ATR: variants seen among roughly 807,000 people sequenced by gnomAD.
ATR encodes serine/threonine-protein kinase ATR.
Under a neutral mutation model 305.3 loss-of-function variants are expected in ATR, and 142 were observed. The observed-to-expected ratio is 0.47, with a 90% CI of 0.41 to 0.53. The LOEUF (loss-of-function observed/expected upper bound fraction) is 0.53, where lower values mean the gene tolerates loss of function less well. Ranked by LOEUF, ATR falls within the 20% of genes least tolerant of loss-of-function variation. ATR has a pLI of 0.00. For synonymous variants in ATR, 1,050 were observed against 1,068.1 expected, an observed-to-expected ratio of 0.98 and a Z score of 0.33; for missense variants, 2,135 against 3,133.1, an observed-to-expected ratio of 0.68 and a Z score of 7.60.
chr3:142,577,861 C>G (rs1457494280), intron 1 of ATR, among the ~76,000 whole-genome samples: 1 of 152,224 alleles, frequency 6.6e-6, no homozygotes, highest in Non-Finnish European at 1.5e-5. Context: ...GGAAGCCTGC[C>G]TGTGTATTGA....
At chr3:142,534,972 A>T in intron 21 of ATR, 108 bp downstream of exon 21, 1 of 1,263,254 alleles carries the variant, frequency 7.9e-7, no homozygotes, top group Non-Finnish European at 1.1e-6. Flanking sequence ...GTAAAATAAA[A>T]ATTTCTTCTT....
chr3:142,487,040 G>T (rs1308290268), intron 35 of ATR, among the ~76,000 whole-genome samples: 2 of 151,822 alleles, frequency 1.3e-5, no homozygotes, highest in African/African-American at 4.8e-5. Flanking sequence ...GCGGAGGCAG[G>T]AGACTGGCCT....
rs186511373 is a variant in ATR at position 142,575,456 on chromosome 3, G to A, written c.59+3190C>T. ...CAGAGATCACGCCACTGGAGAGGGCGAGACTCCGTCTCAAAAAAAAAAAAA... is the reference window on the plus strand; with the variant it reads ...CAGAGATCACGCCACTGGAGAGGGCAAGACTCCGTCTCAAAAAAAAAAAAA... On this transcript the variant is annotated intron_variant, in intron 1 of 46. Coordinates refer to ENST00000350721, the MANE Select transcript of ATR (RefSeq NM_001184.4). Among the ~76,000 whole-genome samples, 189 of 137,350 alleles carry A rather than the reference G, an allele frequency of 1.4e-3. 1 individual carries two copies. The highest frequency in any genetic ancestry group is 2.4e-3 in the Non-Finnish European group (153 of 64,092). 90.1% of individuals were successfully genotyped at this position (137,350 alleles called of 152,430 possible).
At chr3:142,497,956 T>C (rs962329356) in intron 32 of ATR, among the ~76,000 whole-genome samples, 2 of 152,190 alleles carry the variant, frequency 1.3e-5, no homozygotes, top group Non-Finnish European at 2.9e-5. Flanking sequence ...TACAAGGATA[T>C]AGCTGAGTAG....
At position 142,562,478 on chromosome 3, in the gene ATR, T is replaced by C. The variant is rs2034917714; in HGVS notation, c.924A>G (p.Glu308=). 1 of 1,614,056 alleles carries C rather than the reference T, an allele frequency of 6.2e-7. No homozygotes were observed. Among genetic ancestry groups the C allele is most frequent in the African/African-American group, 1.3e-5 (1 of 74,932 alleles). The stretch of plus-strand genomic sequence containing the variant: ...AGACAGGTTCAATATTTCTATAAGC[T>C]TCTGCTTCAAAGGGAAATAGTGTCT... ...LIKTLFPFEA[E]AYRNIEPVYL... The change falls in exon 4 of 47, where the codon GAA becomes GAG. Residue 308 remains glutamate, a synonymous_variant. Coordinates refer to ENST00000350721, the MANE Select transcript of ATR (RefSeq NM_001184.4).
chr3:142,569,560 G>A (rs762859881), intron 1 of ATR, among the ~76,000 whole-genome samples: 6 of 152,062 alleles, frequency 3.9e-5, no homozygotes, highest in Middle Eastern at 3.4e-3. Context: ...GGGCTCAAGC[G>A]ATCTGCCTGC....
At chr3:142,486,085 T>A (rs1361303063) in intron 35 of ATR, among the ~76,000 whole-genome samples, 2 of 152,242 alleles carry the variant, frequency 1.3e-5, no homozygotes. Flanking sequence ...CATTTCTTTT[T>A]GCTGTTCCTG....
rs1465514861 is a variant in ATR at position 142,538,587 on chromosome 3, C to T, written c.3620G>A (p.Cys1207Tyr). The change falls in exon 19 of 47, where the codon TGT becomes TAT. Residue 1207 changes from cysteine (C) to tyrosine (Y), a missense_variant. Cys to Tyr is a radical substitution (Grantham distance 194, BLOSUM62 -2). Around this residue, in one of 9 missense-constraint regions of ATR, gnomAD observed 530 missense variants for 766.8 expected, o/e 0.69. Transcript: ENST00000350721. ...TACATGACTGAGAAGGGAGCCCAGA[C>T]AAGCATGATCCAGGCAGCGAACAAA... ...DCFVRCLDHACLGSLLSHVIV... is the reference protein window; with the variant it reads ...DCFVRCLDHAYLGSLLSHVIV... 2 of 1,613,510 alleles carry T rather than the reference C, an allele frequency of 1.2e-6. No individual in the cohort carries two copies. Among genetic ancestry groups the T allele is most frequent in the East Asian group, 2.2e-5 (1 of 44,836 alleles).
At chr3:142,578,575 G>A (rs2035516371) in intron 1 of ATR, 71 bp downstream of exon 1, 2 of 1,514,030 alleles carry the variant, frequency 1.3e-6, no homozygotes, top group Admixed American at 1.9e-5. Flanking sequence ...AGCAGGGGAG[G>A]GGAGAGCACG....
At chr3:142,476,000 C>T (rs564538577) in intron 36 of ATR, among the ~76,000 whole-genome samples, 68 of 152,116 alleles carry the variant, frequency 4.5e-4, no homozygotes, top group African/African-American at 1.2e-3. Context: ...ATTAGCCCTT[C>T]GTCAGATGAG....
At chr3:142,503,323 G>C (rs1398157171) in intron 30 of ATR, 39 bp downstream of exon 30, 1 of 1,409,420 alleles carries the variant, frequency 7.1e-7, no homozygotes, top group South Asian at 1.2e-5. Flanking sequence ...TCTCCATTCA[G>C]ATGCAATAAC....
intron 42 of ATR, among the ~76,000 whole-genome samples, chr3:142,460,723 A>C (rs1467533991): frequency 6.6e-6 from 1 of 152,178 alleles, no homozygotes; most frequent in East Asian, 1.9e-4. Flanking sequence ...CTTATTTTCT[A>C]CTTCACTTTG....
At chr3:142,481,569 C>T (rs2030487679) in intron 36 of ATR, among the ~76,000 whole-genome samples, 2 of 152,172 alleles carry the variant, frequency 1.3e-5, no homozygotes, top group Non-Finnish European at 2.9e-5. Flanking sequence ...TCCATGACTT[C>T]TGGACTTGTT....
Position 142,451,508 on chromosome 3 carries a change from TAGAAAC to T in ATR, c.7761+1614_7761+1619del. On this transcript the variant is annotated intron_variant, in intron 46 of 46. Transcript: ENST00000350721. ...TACAAAAGAACACAGACTGGACCCA[TAGAAAC>T]AGAAAGAGAACACCAACACCTATAT... 4 of 1,434,656 alleles carry T rather than the reference TAGAAAC, an allele frequency of 2.8e-6. No individual in the cohort carries two copies. The South Asian group carries it at 4.8e-5, about 17-fold the overall frequency. The allele number at this position is 1,434,656 out of a possible 1,614,324, so 88.9% of individuals were successfully genotyped here.
chr3:142,457,566 G>C (rs2070933787), intron 45 of ATR, 38 bp downstream of exon 45: 2 of 1,611,114 alleles, frequency 1.2e-6, no homozygotes, highest in Non-Finnish European at 1.7e-6. Context: ...TTATATTCGA[G>C]GTTACTGTTA....
intron 36 of ATR, among the ~76,000 whole-genome samples, chr3:142,483,405 T>A (rs895100789): frequency 6.6e-6 from 1 of 152,136 alleles, no homozygotes; most frequent in Non-Finnish European, 1.5e-5. Context: ...ATATATGAAA[T>A]TAAAAGTTAT....
In ATR at chr3:142,462,158, A is replaced by G. The variant is rs935092454; in HGVS notation, c.7042-68T>C. 1.8e-5 allele frequency: 26 copies of G among 1,420,332 alleles called. No homozygotes were observed. The African/African-American group carries it at 3.3e-4, about 18-fold the overall frequency. The allele number at this position is 1,420,332 out of a possible 1,614,324, so 88.0% of individuals were successfully genotyped here. On this transcript the variant is annotated intron_variant, in intron 41 of 46. Coordinates refer to ENST00000350721, the MANE Select transcript of ATR (RefSeq NM_001184.4). Reference sequence around the variant, plus strand: ...AAAATTTCTAAATGTTATATCAAATATATTTAAAGATTGTTCATTTCATAA... The same window carrying G: ...AAAATTTCTAAATGTTATATCAAATGTATTTAAAGATTGTTCATTTCATAA...
At chr3:142,460,624 G>A (rs1451075329) in intron 42 of ATR, among the ~76,000 whole-genome samples, 1 of 152,110 alleles carries the variant, frequency 6.6e-6, no homozygotes, top group African/African-American at 2.4e-5. Flanking sequence ...CCAGAACCGT[G>A]AGATGATAAA....
intron 28 of ATR, among the ~76,000 whole-genome samples, chr3:142,506,560 G>A (rs903400744): frequency 7.2e-5 from 11 of 151,966 alleles, no homozygotes; most frequent in Admixed American, 3.3e-4. Context: ...TGGTAGCAGC[G>A]CCTGTGGTCC....
Sources: gnomAD v4.1 joint callset for allele counts (sites outside exome capture counted in the v4.1 genomes callset) on GRCh38, gnomAD v4.1.1 for gene constraint, gnomAD v4.1.1 regional missense constraint, MANE v1.5 for transcripts, NCBI Gene and HGNC (gene_info 2026-07-23, HGNC 2026-07-21) for gene names.